The following NMNAT1 variants were observed in gnomAD, a reference collection of about 807,000 sequenced individuals.
The protein encoded by NMNAT1 is nicotinamide nucleotide adenylyltransferase 1.
Under a neutral mutation model 16.7 loss-of-function variants are expected in NMNAT1, and 11 were observed. The observed-to-expected ratio is 0.66, with a 90% confidence interval of 0.41 to 1.09. The LOEUF (loss-of-function observed/expected upper bound fraction) is 1.09. Among genes scored for constraint, NMNAT1 ranks in the 50% least tolerant of loss-of-function variants. The probability of loss-of-function intolerance (pLI) is 0.00; values close to 1 mark genes in which losing one functional copy is unlikely to be tolerated. For synonymous variants in NMNAT1, 110 were observed against 119.8 expected, an observed-to-expected ratio of 0.92 and a Z score of 0.53; for missense variants, 280 against 332.3, an observed-to-expected ratio of 0.84 and a Z score of 1.22.
At chr1:9,969,839 TA>T (rs1641648110) in intron 1 of NMNAT1, among the ~76,000 whole-genome samples, 1 of 152,188 alleles carries the variant, frequency 6.6e-6, no homozygotes, top group Non-Finnish European at 1.5e-5. Context: ...GGACATTTTC[TA>T]GAACTGAATG....
intron 1 of NMNAT1, among the ~76,000 whole-genome samples, chr1:9,966,972 C>G (rs988791115): frequency 6.6e-6 from 1 of 151,988 alleles, no homozygotes; most frequent in Non-Finnish European, 1.5e-5. Flanking sequence ...GCCTGTAATC[C>G]CAACACTTTA....
chr1:9,969,715 C>T (rs954501298), intron 1 of NMNAT1, among the ~76,000 whole-genome samples: 2 of 152,144 alleles, frequency 1.3e-5, no homozygotes, highest in South Asian at 4.1e-4. Flanking sequence ...CGTGCCACTG[C>T]ACTCCAGCCT....
At chr1:9,945,721 A>T (rs1640964662) in intron 1 of NMNAT1, among the ~76,000 whole-genome samples, 1 of 152,144 alleles carries the variant, frequency 6.6e-6, no homozygotes, top group Non-Finnish European at 1.5e-5. Flanking sequence ...AATTTGAAAA[A>T]TTTGCTGAAT....
chr1:9,967,333 C>T (rs1426266360), intron 1 of NMNAT1: 1 of 154,072 alleles, frequency 6.5e-6, no homozygotes, highest in Non-Finnish European at 1.5e-5. Flanking sequence ...CTTACTTGAT[C>T]TCCCATGCGC....
At position 9,973,175 on chromosome 1, in the gene NMNAT1, G is replaced by C. The variant is rs541224408; in HGVS notation, c.115+987G>C. Among the ~76,000 whole-genome samples, 102 of 152,056 alleles carry C rather than the reference G, an allele frequency of 6.7e-4. 1 individual carries two copies. Among genetic ancestry groups the C allele is most frequent in the African/African-American group, 2.1e-3 (89 of 41,498 alleles). On this transcript the variant is annotated intron_variant, in intron 2 of 4. Transcript: ENST00000377205. ...CTTGTTGCCCAGGCTGGAGTGCAGT[G>C]GCGCGATCTCGGCTCACTGCAACCT...
At chr1:9,948,346 G>T (rs191866773) in intron 1 of NMNAT1, among the ~76,000 whole-genome samples, 37 of 152,236 alleles carry the variant, frequency 2.4e-4, no homozygotes, top group African/African-American at 8.9e-4. Flanking sequence ...AGGTTAAGGT[G>T]GGCGGATTGC....
intron 1 of NMNAT1, among the ~76,000 whole-genome samples, chr1:9,960,283 T>C (rs1641372086): frequency 6.7e-6 from 1 of 150,088 alleles, no homozygotes; most frequent in South Asian, 2.2e-4. Flanking sequence ...ATACCCTATC[T>C]CTAAAAAAAA....
intron 1 of NMNAT1, among the ~76,000 whole-genome samples, chr1:9,964,868 AG>A (rs1334160921): frequency 7.0e-6 from 1 of 143,532 alleles, no homozygotes; most frequent in Non-Finnish European, 1.5e-5. Flanking sequence ...GAATCACTTG[AG>A]CCAGGGAGGT....
chr1:9,972,091 G>T lies in NMNAT1; in HGVS notation c.18G>T (p.Lys6Asn), dbSNP rs199561165. 9.3e-6 allele frequency: 15 copies of T among 1,605,904 alleles called. No individual in the cohort carries two copies. In the East Asian group the frequency reaches 3.3e-4, roughly 36 times the overall value. The change falls in exon 2 of 5, where the codon AAG becomes AAT. Residue 6 changes from lysine to asparagine, a missense_variant. Transcript: ENST00000377205. Reference sequence around the variant, plus strand: ...TTCTTACCATGGAAAATTCCGAGAAGACTGAAGTGGTTCTCCTTGCTTGTG... The same window carrying T: ...TTCTTACCATGGAAAATTCCGAGAATACTGAAGTGGTTCTCCTTGCTTGTG... MENSE[K>N]TEVVLLACGS...
At chr1:9,967,677 A>G (rs1487878207) in intron 1 of NMNAT1, among the ~76,000 whole-genome samples, 2 of 152,158 alleles carry the variant, frequency 1.3e-5, no homozygotes, top group African/African-American at 4.8e-5. Context: ...GATTAAAAAA[A>G]AAATTGCTTG....
intron 1 of NMNAT1, among the ~76,000 whole-genome samples, chr1:9,968,478 T>C (rs1002393107): frequency 1.3e-5 from 2 of 150,024 alleles, no homozygotes; most frequent in South Asian, 2.1e-4. Context: ...GATTAAAAAC[T>C]GGGACAAGGT....
Position 9,957,468 on chromosome 1 carries a change from C to T in NMNAT1, c.-57+13953C>T, listed in dbSNP as rs752991253. Among the ~76,000 whole-genome samples, 9 of 151,206 alleles carry T rather than the reference C, an allele frequency of 6.0e-5. No homozygotes were observed. In the East Asian group the frequency reaches 9.9e-4, roughly 17 times the overall value. ...CCCGAGTAGCTGGATTACAGGCATG[C>T]GCCACCACGCGAGAGTGGGCTTCAC... On this transcript the variant is annotated intron_variant, in intron 1 of 4. Transcript: ENST00000377205.
chr1:9,957,050 G>A, intron 1 of NMNAT1, among the ~76,000 whole-genome samples: 1 of 151,364 alleles, frequency 6.6e-6, no homozygotes, highest in South Asian at 2.1e-4. Context: ...TATTTTTGAG[G>A]TGGAGTTTCG....
intron 1 of NMNAT1, among the ~76,000 whole-genome samples, chr1:9,968,080 G>GTTTTTTTTTTTTTTTTTTTT (rs6143117): frequency 5.1e-5 from 6 of 117,774 alleles, no homozygotes; most frequent in Admixed American, 1.1e-4. Flanking sequence ...TTTTTTTTTT[G>GTTTTTTTTTTTTTTTTTTTT]TTTTTTTTTG....
chr1:9,978,913 G>C (rs1641874180), intron 3 of NMNAT1, among the ~76,000 whole-genome samples: 1 of 152,136 alleles, frequency 6.6e-6, no homozygotes, highest in Non-Finnish European at 1.5e-5. Flanking sequence ...CTTCTCCTTG[G>C]CGTTCTGGTT....
the NMNAT1 span, among the ~76,000 whole-genome samples, chr1:9,991,456 C>T: frequency 6.6e-6 from 1 of 152,172 alleles, no homozygotes. Flanking sequence ...AGGCGTGAGC[C>T]ACCGCACCAA....
At chr1:9,971,949 GGC>G in intron 1 of NMNAT1, 67 bp from the exon 2 acceptor site, 4 of 665,606 alleles carry the variant, frequency 6.0e-6, no homozygotes, top group Non-Finnish European at 8.2e-6. Context: ...TAGCCAGGGT[GGC>G]AGAGCAAGAC....
At chr1:9,990,535 T>A in the NMNAT1 span, among the ~76,000 whole-genome samples, 1 of 152,242 alleles carries the variant, frequency 6.6e-6, no homozygotes, top group Non-Finnish European at 1.5e-5. Flanking sequence ...TAATAGGGTT[T>A]CCGGGATTGG....
Position 9,984,703 on chromosome 1 carries a change from C to T in NMNAT1, c.*2002C>T, listed in dbSNP as rs897944378. On this transcript the variant is annotated 3_prime_UTR_variant, in exon 5 of 5. Transcript: ENST00000377205. ...GATGCTGGGGGTTTTATGTGTTGTA[C>T]CCTTTACCCCTTACATTGTGTAATT... 2 of 152,064 alleles carry T rather than the reference C, an allele frequency of 1.3e-5. No homozygotes were observed. Among genetic ancestry groups the T allele is most frequent in the Non-Finnish European group, 2.9e-5 (2 of 68,018 alleles). 9.4% of individuals were successfully genotyped at this position (152,064 alleles called of 1,614,324 possible).
Sources: allele counts gnomAD v4.1 joint callset (sites outside exome capture counted in the v4.1 genomes callset), GRCh38; gene constraint gnomAD v4.1.1; transcripts MANE v1.5; gene names NCBI Gene and HGNC (gene_info 2026-07-23, HGNC 2026-07-21).